LRIF1: variants seen among roughly 807,000 people sequenced by gnomAD.
The protein encoded by LRIF1 is ligand-dependent nuclear receptor-interacting factor 1.
LRIF1 carries 32 observed loss-of-function variants against 52.7 expected under a neutral mutation model. The ratio of observed to expected loss-of-function variants is 0.61; its 90% CI spans 0.46 to 0.82. The LOEUF is 0.82. Among genes scored for constraint, LRIF1 ranks in the 40% least tolerant of loss-of-function variants. LRIF1 has a pLI of 0.00. For synonymous variants in LRIF1, 323 were observed against 317.4 expected (o/e 1.02, Z -0.19); for missense variants, 887 against 892.0 (o/e 0.99, Z 0.07).
intron 1 of LRIF1, among the ~76,000 whole-genome samples, chr1:110,962,726 G>C (rs527398949): frequency 1.1e-3 from 174 of 152,182 alleles, no homozygotes; most frequent in African/African-American, 4.0e-3. Context: ...ATTAACCCCA[G>C]GTAGCTTGAT....
At chr1:110,963,479 G>A (rs1053977042) in intron 1 of LRIF1, 142 bp downstream of exon 1, 44 of 600,912 alleles carry the variant, frequency 7.3e-5, no homozygotes, top group Non-Finnish European at 1.1e-4. Context: ...GCGCCGCGGA[G>A]ACAAGCGCTT....
rs34396800 is a variant in LRIF1, at chr1:110,957,470, C to CAAAAAAAAAAAAAAAAAAAAAA, written c.69-4677_69-4656dup. On this transcript the variant is annotated intron_variant, in intron 1 of 3. Coordinates refer to ENST00000369763, the MANE Select transcript of LRIF1 (RefSeq NM_018372.4). ...TGGGCGACAAAGCAAGACTCAGTCT[C>CAAAAAAAAAAAAAAAAAAAAAA]AAAAAAAAAAAAAAAAAAAAAAGAC... Among the ~76,000 whole-genome samples, 12 of 42,792 alleles carry CAAAAAAAAAAAAAAAAAAAAAA rather than the reference C, an allele frequency of 2.8e-4. 1 individual carries two copies. The highest frequency in any genetic ancestry group is 1.4e-3 in the African/African-American group (12 of 8,824). The allele number at this position is 42,792 out of a possible 152,430, so 28.1% of individuals were successfully genotyped here.
chr1:110,946,810 C>A (rs1340176191), downstream of LRIF1, among the ~76,000 whole-genome samples: 1 of 151,988 alleles, frequency 6.6e-6, no homozygotes, highest in Non-Finnish European at 1.5e-5. Context: ...GTGCCCGCCA[C>A]TGTGCCCGAC....
chr1:110,891,585 T>C, the LRIF1 span: 1 of 781,576 alleles, frequency 1.3e-6, no homozygotes, highest in Admixed American at 2.0e-5. Context: ...TTGGGTCATG[T>C]CCAGCACAAC....
chr1:110,883,270 A>C, the LRIF1 span, among the ~76,000 whole-genome samples: 1 of 151,972 alleles, frequency 6.6e-6, no homozygotes, highest in Non-Finnish European at 1.5e-5. Context: ...TCAAAAATAG[A>C]TGTTGAATTT....
rs1315024604 is a variant in LRIF1 at position 110,951,461 on chromosome 1, T to A, written c.1423A>T (p.Asn475Tyr). ...CTAAATCCAACTGGAAAGATTGGAT[T>A]TGTGAATAAAGTCTTACTCTGTTTT... ...YLKQSKTLFT[N>Y]PIFPVGFSTG... Residue 475 changes from asparagine (N) to tyrosine (Y), a missense_variant, in exon 2 of 4, where the codon AAT becomes TAT. Asn to Tyr is a moderately radical substitution (Grantham distance 143, BLOSUM62 -2). Coordinates refer to ENST00000369763, the MANE Select transcript of LRIF1 (RefSeq NM_018372.4). The A allele has an allele frequency of 6.2e-7, 1 of 1,614,142 alleles. No homozygotes were observed. Among genetic ancestry groups the A allele is most frequent in the South Asian group, 1.1e-5 (1 of 91,076 alleles).
intron 3 of LRIF1, among the ~76,000 whole-genome samples, chr1:110,949,497 A>G (rs547617341): frequency 6.7e-5 from 10 of 148,156 alleles, no homozygotes; most frequent in African/African-American, 2.0e-4. Context: ...TCGGTTCACT[A>G]CAAACTCCGC....
At chr1:110,882,151 T>C in the LRIF1 span, among the ~76,000 whole-genome samples, 2 of 152,178 alleles carry the variant, frequency 1.3e-5, no homozygotes, top group Non-Finnish European at 2.9e-5. Context: ...TATTGTGCTT[T>C]TGGTGTCTTA....
the LRIF1 span, chr1:110,895,034 G>A: frequency 1.9e-5 from 31 of 1,613,416 alleles, no homozygotes; most frequent in Non-Finnish European, 2.1e-5. Flanking sequence ...CCAAGGCAGC[G>A]TGGGACTCCA....
In LRIF1 at chr1:110,951,675, T is replaced by A; in HGVS notation, c.1209A>T (p.Pro403=). 1.2e-6 allele frequency: 2 copies of A among 1,614,118 alleles called. No individual in the cohort carries two copies. Among genetic ancestry groups the A allele is most frequent in the Non-Finnish European group, 1.7e-6 (2 of 1,180,010 alleles). The change falls in exon 2 of 4, where the codon CCA becomes CCT. Residue 403 remains proline (P), a synonymous_variant. Coordinates refer to ENST00000369763, the MANE Select transcript of LRIF1 (RefSeq NM_018372.4). ...KDTLQTVSSS[P]VTEISREVVN... ...CAACCTCTCTGGATATTTCTGTGAC[T>A]GGACTTGAACTCACTGTCTGTAACG...
At chr1:110,892,572 A>T in the LRIF1 span, 2 of 1,507,310 alleles carry the variant, frequency 1.3e-6, no homozygotes, top group African/African-American at 2.8e-5. Flanking sequence ...CAAGTCGGGG[A>T]GATGGTGCCT....
the LRIF1 span, among the ~76,000 whole-genome samples, chr1:110,933,552 G>A: frequency 6.6e-6 from 1 of 152,266 alleles, no homozygotes; most frequent in East Asian, 1.9e-4. Flanking sequence ...AGGAGGGAGA[G>A]CACAGCAATT....
In LRIF1 at chr1:110,963,777, A is replaced by C; in HGVS notation, c.-89T>G. On this transcript the variant is annotated 5_prime_UTR_variant, in exon 1 of 4. Transcript: ENST00000369763. ...ATGGGGCGAGAACCAGAGCGAGGGA[A>C]TGTTGGGCTGGAGTTGCCCACAGCA... The C allele has an allele frequency of 9.1e-7, 1 of 1,096,436 alleles. No individual in the cohort carries two copies. Among genetic ancestry groups the C allele is most frequent in the Admixed American group, 2.1e-5 (1 of 48,408 alleles). 67.9% of individuals were successfully genotyped at this position (1,096,436 alleles called of 1,614,324 possible).
chr1:110,891,473 TAA>T, the LRIF1 span: 1 of 1,609,474 alleles, frequency 6.2e-7, no homozygotes. Flanking sequence ...CTCTTTTGGG[TAA>T]GTGTATCTCT....
chr1:110,897,538 G>T, the LRIF1 span: 1 of 296,774 alleles, frequency 3.4e-6, no homozygotes, highest in South Asian at 7.0e-5. Flanking sequence ...TTGCTGACCT[G>T]CCTCTTAGAA....
At chr1:110,926,586 T>C in the LRIF1 span, among the ~76,000 whole-genome samples, 1 of 151,804 alleles carries the variant, frequency 6.6e-6, no homozygotes, top group African/African-American at 2.4e-5. Context: ...TTAAAGAAAA[T>C]ATTAGAGTTT....
At chr1:110,960,980 G>A (rs1658925483) in intron 1 of LRIF1, among the ~76,000 whole-genome samples, 1 of 152,132 alleles carries the variant, frequency 6.6e-6, no homozygotes, top group Non-Finnish European at 1.5e-5. Context: ...CCTTAGCAGG[G>A]CAAACAGAAC....
downstream of LRIF1, among the ~76,000 whole-genome samples, chr1:110,942,831 G>A (rs920481762): frequency 1.3e-5 from 2 of 152,078 alleles, no homozygotes; most frequent in Non-Finnish European, 2.9e-5. Context: ...ATGCCCATTA[G>A]ACTTCCAAGT....
intron 1 of LRIF1, among the ~76,000 whole-genome samples, chr1:110,957,335 T>C (rs1039079632): frequency 3.6e-4 from 53 of 145,346 alleles, no homozygotes; most frequent in African/African-American, 1.2e-3. Context: ...TAGCCGGGCG[T>C]GGTAGCAAGC....
Sources: gnomAD v4.1 joint callset for allele counts (sites outside exome capture counted in the v4.1 genomes callset) on GRCh38, gnomAD v4.1.1 for gene constraint, MANE v1.5 for transcripts, NCBI Gene and HGNC (gene_info 2026-07-23, HGNC 2026-07-21) for gene names.